Variants in TAF1 observed in about 807,000 individuals in gnomAD.
TAF1 encodes the protein TATA-box binding protein associated factor 1, also known as transcription initiation factor TFIID subunit 1.
In TAF1, 2 loss-of-function variants were observed where a neutral mutation model predicts 138.5. That is an observed-to-expected ratio of 0.01 (90% confidence interval 0.01 to 0.05). The LOEUF (loss-of-function observed/expected upper bound fraction) is 0.05, where lower values mean the gene tolerates loss of function less well. TAF1 is among the 10% of genes least tolerant of loss of function. The probability of loss-of-function intolerance (pLI) is 1.00; values close to 1 mark genes in which losing one functional copy is unlikely to be tolerated. For missense variants in TAF1, 709 were observed against 1,478.0 expected (o/e 0.48, Z 8.53); for synonymous variants, 437 against 503.2 (o/e 0.87, Z 1.76).
intron 13 of TAF1, among the ~76,000 whole-genome samples, chrX:71,475,356 C>T (rs2038959830): frequency 9.1e-6 from 1 of 110,434 alleles, no homozygotes; most frequent in Admixed American, 9.7e-5. Context: ...GAGGCTGAGG[C>T]GGGCGGATCA....
At chrX:71,397,012 G>A (rs994437719) in intron 22 of TAF1, among the ~76,000 whole-genome samples, 122 of 90,677 alleles carry the variant, frequency 1.3e-3, no homozygotes, top group Non-Finnish European at 1.5e-3. Flanking sequence ...GCAACAGAGC[G>A]AGAGAGATCC....
At chrX:71,475,364 T>A (rs1455475419) in intron 13 of TAF1, among the ~76,000 whole-genome samples, 1 of 110,072 alleles carries the variant, frequency 9.1e-6, no homozygotes, top group Non-Finnish European at 1.9e-5. Context: ...GGCGGGCGGA[T>A]CACGAGATCA....
At chrX:71,483,740 ATC>A (rs1167670247) in intron 13 of TAF1, among the ~76,000 whole-genome samples, 827 of 62,290 alleles carry the variant, frequency 0.013, 15 homozygotes, top group African/African-American at 0.044. Context: ...TATTGTGAAC[ATC>A]TCTCTCTCTC....
rs908533116 is a variant in TAF1 at position 71,393,487 on chromosome X, T to C, written c.3227+11T>C. The C allele has an allele frequency of 8.5e-7, 1 of 1,171,261 alleles. No homozygotes were observed. The highest frequency in any genetic ancestry group is 1.1e-6 in the Non-Finnish European group (1 of 877,830). ...TGACCTACAGAACAAGTGGGTCGTT[T>C]TAGTGCTGCAGAAAATCCAAGCTGG... On this transcript the variant is annotated intron_variant, in intron 21 of 37. Coordinates refer to ENST00000423759, the MANE Select transcript of TAF1 (RefSeq NM_004606.5).
chrX:71,409,028 A>C (rs759748970), intron 28 of TAF1, among the ~76,000 whole-genome samples: 1 of 110,000 alleles, frequency 9.1e-6, no homozygotes, highest in Non-Finnish European at 1.9e-5. Flanking sequence ...AAAAAAAAAA[A>C]AGAGAGAGAG....
intron 14 of TAF1, chrX:71,529,674 C>A: frequency 3.0e-6 from 1 of 332,278 alleles, no homozygotes; most frequent in South Asian, 2.6e-5. Flanking sequence ...AGTCTCCATT[C>A]TGAAATTTTG....
chrX:71,460,544 A>G, intron 36 of TAF1, 82 bp from the exon 37 acceptor site: 1 of 1,078,910 alleles, frequency 9.3e-7, no homozygotes, highest in Non-Finnish European at 1.3e-6. Context: ...GAGAGTTACT[A>G]GTTTGGGAAG....
intron 35 of TAF1, chrX:71,459,185 C>G: frequency 9.2e-7 from 1 of 1,087,025 alleles, no homozygotes; most frequent in Non-Finnish European, 1.2e-6. Context: ...GCGAGGAAGA[C>G]TCTGATGTAG....
At chrX:71,389,715 C>A in intron 18 of TAF1, 50 bp downstream of exon 18, 1 of 970,668 alleles carries the variant, frequency 1.0e-6, no homozygotes, top group Non-Finnish European at 1.4e-6. Flanking sequence ...CTCATTTATC[C>A]TTTTAAAAGA....
At chrX:71,481,750 G>C (rs752216904) in intron 13 of TAF1, among the ~76,000 whole-genome samples, 189 of 110,716 alleles carry the variant, frequency 1.7e-3, no homozygotes, top group Non-Finnish European at 2.5e-3. Flanking sequence ...GTAGAGGCGG[G>C]GTCTCACCGT....
rs766865148 is a variant in TAF1, at chrX:71,378,288, A to G, written c.987A>G (p.Ile329Met). The change falls in exon 7 of 38, where the codon ATA (isoleucine) becomes ATG (methionine). Residue 329 changes from isoleucine (I) to methionine (M), a missense_variant. Ile to Met is a conservative substitution (Grantham distance 10, BLOSUM62 1). Around this residue, in one of 14 missense-constraint regions of TAF1, gnomAD observed 201 missense variants for 421.3 expected, o/e 0.48. Transcript: ENST00000423759. Reference protein sequence around the residue: ...ESKFSQSTGDIDKVTDTKPRV... With the variant: ...ESKFSQSTGDMDKVTDTKPRV... Reference sequence around the variant, plus strand: ...AATTTTCCCAATCAACTGGAGATATAGATAAAGTGACAGATACCAAACCAA... The same window carrying G: ...AATTTTCCCAATCAACTGGAGATATGGATAAAGTGACAGATACCAAACCAA... 4.1e-6 allele frequency: 5 copies of G among 1,211,907 alleles called. No individual in the cohort carries two copies. Among genetic ancestry groups the G allele is most frequent in the Non-Finnish European group, 5.6e-6 (5 of 895,600 alleles).
At position 71,367,942 on chromosome X, in the gene TAF1, A is replaced by T. The variant is rs1307357282; in HGVS notation, c.236-112A>T. 1.5e-5 allele frequency: 13 copies of T among 842,445 alleles called. No homozygotes were observed. In the East Asian group the frequency reaches 3.8e-4, roughly 24 times the overall value. 69.4% of individuals were successfully genotyped at this position (842,445 alleles called of 1,213,427 possible). On this transcript the variant is annotated intron_variant, in intron 2 of 37. Transcript: ENST00000423759. ...TGGCTTGGCCTTCCAAAGTGCTGGG[A>T]TTACAGGCGTGAGCCACCGCATCCA...
At chrX:71,392,343 T>C (rs1483889655) in intron 18 of TAF1, among the ~76,000 whole-genome samples, 6 of 111,667 alleles carry the variant, frequency 5.4e-5, no homozygotes, top group Non-Finnish European at 1.1e-4. Flanking sequence ...CTATTTAATA[T>C]CATGTTGTAA....
At chrX:71,388,703 A>G (rs1161825762) in intron 16 of TAF1, 35 bp from the exon 17 acceptor site, 1 of 1,207,689 alleles carries the variant, frequency 8.3e-7, no homozygotes, top group Non-Finnish European at 1.1e-6. Flanking sequence ...TGGAATTCAG[A>G]ATGGTCTCAT....
At chrX:71,411,813 G>C (rs746095615) in intron 28 of TAF1, among the ~76,000 whole-genome samples, 70 of 112,360 alleles carry the variant, frequency 6.2e-4, no homozygotes, top group Admixed American at 2.6e-3. Context: ...GCTGGAATGC[G>C]ATAGCGTGAT....
intron 28 of TAF1, among the ~76,000 whole-genome samples, chrX:71,412,409 A>T (rs914062091): frequency 9.0e-6 from 1 of 111,681 alleles, no homozygotes; most frequent in Non-Finnish European, 1.9e-5. Flanking sequence ...GATTACAGGC[A>T]TGAGCCATTG....
At chrX:71,466,180 TTTGG>T, downstream of TAF1, 1 of 111,217 alleles carries the variant, frequency 9.0e-6, no homozygotes, top group Middle Eastern at 4.6e-3. Flanking sequence ...CTTCCAGAAT[TTTGG>T]TTGGGGGGAT....
At chrX:71,389,863 TTTG>T in intron 18 of TAF1, 198 bp downstream of exon 18, 1 of 306,554 alleles carries the variant, frequency 3.3e-6, no homozygotes, top group East Asian at 6.1e-5. Flanking sequence ...TTTGTTTTTT[TTTG>T]TTTGTTTTGT....
chrX:71,421,340 A>G lies in TAF1; in HGVS notation c.4416A>G (p.Gln1472=), dbSNP rs746723316. The G allele has an allele frequency of 6.7e-6, 8 of 1,191,845 alleles. No homozygotes were observed. The African/African-American group carries it at 9.0e-5, about 13-fold the overall frequency. The change falls in exon 29 of 38, where the codon CAA becomes CAG. Residue 1472 remains glutamine (Q), a synonymous_variant. Coordinates refer to ENST00000423759, the MANE Select transcript of TAF1 (RefSeq NM_004606.5). ...AACACTCATTGACTCAGATCTCTCA[A>G]TCCATGCTGGATCTCTGTGATGAAA... ...GPKHSLTQIS[Q]SMLDLCDEKL... is the part of the protein sequence containing the mutation.
Sources: gnomAD v4.1 joint callset for allele counts (sites outside exome capture counted in the v4.1 genomes callset) on GRCh38, gnomAD v4.1.1 for gene constraint, gnomAD v4.1.1 regional missense constraint, MANE v1.5 for transcripts, NCBI Gene and HGNC (gene_info 2026-07-23, HGNC 2026-07-21) for gene names.